Variants in SWT1 observed in about 807,000 individuals in gnomAD.
SWT1 encodes SWT1 RNA endoribonuclease homolog, also known as transcriptional protein SWT1.
In SWT1, 33 loss-of-function variants were observed where a neutral mutation model predicts 107.3. The ratio of observed to expected loss-of-function variants is 0.31; its 90% CI spans 0.23 to 0.41. The LOEUF is 0.41. SWT1 is among the 10% of genes least tolerant of loss of function. The pLI is 1.00. For synonymous variants in SWT1, 345 were observed against 348.3 expected, an observed-to-expected ratio of 0.99 and a Z score of 0.11; for missense variants, 898 against 1,028.9, an observed-to-expected ratio of 0.87 and a Z score of 1.74.
chr1:185,202,837 A>G, intron 11 of SWT1, 38 bp downstream of exon 11: 1 of 1,120,886 alleles, frequency 8.9e-7, no homozygotes, highest in Non-Finnish European at 1.2e-6. Context: ...GATATATCTT[A>G]TTTTATACAC....
In SWT1 at chr1:185,226,732, C is replaced by CTT. The variant is rs35307844; in HGVS notation, c.2309+4711_2309+4712dup. On this transcript the variant is annotated intron_variant, in intron 15 of 18. Coordinates refer to ENST00000367500, the MANE Select transcript of SWT1 (RefSeq NM_017673.7). ...CTATTTCTCATTTAAGCTTCTGAGA[C>CTT]TTTTTTTTTTTTTTTTGCTGTCCAT... 1.5e-3 allele frequency: 574 copies of CTT among 376,864 alleles called. 2 individuals are homozygous for CTT. The highest frequency in any genetic ancestry group is 6.1e-3 in the African/African-American group (267 of 43,818). 23.3% of individuals were successfully genotyped at this position (376,864 alleles called of 1,614,324 possible).
intron 10 of SWT1, among the ~76,000 whole-genome samples, chr1:185,198,455 C>G (rs1410271832): frequency 6.6e-6 from 1 of 152,104 alleles, no homozygotes; most frequent in East Asian, 1.9e-4. Context: ...TCCACCTGGT[C>G]CAGAGCTGAG....
Position 185,268,967 on chromosome 1 carries a change from C to G in SWT1, c.2442-2356C>G, listed in dbSNP as rs1663616258. On this transcript the variant is annotated intron_variant, in intron 16 of 18. Transcript: ENST00000367500. The stretch of plus-strand genomic sequence containing the variant: ...TCCCGGGTTCACGCCATTCTCCTGC[C>G]TCAGCCTCCCGAGTAGCTGGGACTA... 2.0e-5 allele frequency among the ~76,000 whole-genome samples: 3 copies of G among 151,892 alleles called. No homozygotes were observed. The South Asian group carries it at 6.2e-4, about 32-fold the overall frequency.
At chr1:185,185,024 T>G in intron 9 of SWT1, 93 bp downstream of exon 9, 1 of 883,426 alleles carries the variant, frequency 1.1e-6, no homozygotes, top group Non-Finnish European at 1.6e-6. Context: ...TTTTAAAACA[T>G]TTAAACCCAT....
chr1:185,207,055 T>C (rs918778631), intron 13 of SWT1, among the ~76,000 whole-genome samples: 1 of 152,252 alleles, frequency 6.6e-6, no homozygotes, highest in African/African-American at 2.4e-5. Context: ...ATGTCTACTT[T>C]GAAAACTTTT....
intron 16 of SWT1, among the ~76,000 whole-genome samples, chr1:185,249,018 A>G (rs1315487265): frequency 1.3e-5 from 2 of 152,156 alleles, no homozygotes; most frequent in Non-Finnish European, 2.9e-5. Context: ...GACTAGACTC[A>G]TCTTGGAAAT....
chr1:185,213,988 A>G (rs976941656), intron 13 of SWT1, among the ~76,000 whole-genome samples: 1 of 152,202 alleles, frequency 6.6e-6, no homozygotes, highest in Non-Finnish European at 1.5e-5. Flanking sequence ...TGTGTTGTAC[A>G]TATAGAGATA....
intron 4 of SWT1, among the ~76,000 whole-genome samples, chr1:185,172,831 G>A (rs113470400): frequency 0.022 from 3,297 of 152,034 alleles, 65 homozygotes; most frequent in Non-Finnish European, 0.035. Flanking sequence ...GGCAGATCAC[G>A]AGGTCAAATC....
intron 16 of SWT1, among the ~76,000 whole-genome samples, chr1:185,253,142 A>G (rs1238245964): frequency 1.6e-3 from 239 of 144,956 alleles, no homozygotes; most frequent in African/African-American, 5.7e-3. Context: ...ATTGATCTAT[A>G]TCTCTGTTTT....
intron 16 of SWT1, among the ~76,000 whole-genome samples, chr1:185,234,666 G>T (rs567721907): frequency 1.3e-5 from 2 of 152,244 alleles, no homozygotes; most frequent in East Asian, 1.9e-4. Context: ...ATGTTAGCTG[G>T]TTTTCTTTGC....
intron 16 of SWT1, among the ~76,000 whole-genome samples, chr1:185,259,149 C>G (rs1397632297): frequency 6.6e-6 from 1 of 152,002 alleles, no homozygotes; most frequent in Non-Finnish European, 1.5e-5. Context: ...TCTTTTCACC[C>G]TTTTTACCTC....
intron 16 of SWT1, among the ~76,000 whole-genome samples, chr1:185,262,747 C>T (rs1663109602): frequency 6.6e-6 from 1 of 151,572 alleles, no homozygotes; most frequent in Admixed American, 6.6e-5. Flanking sequence ...GTTCTGTGCA[C>T]ATGTATCCTT....
chr1:185,200,205 C>G (rs1657756393), intron 10 of SWT1, among the ~76,000 whole-genome samples: 1 of 152,102 alleles, frequency 6.6e-6, no homozygotes, highest in Admixed American at 6.5e-5. Flanking sequence ...GCTCCTTTAG[C>G]TCAGAGGAGT....
At chr1:185,232,099 TTAA>T (rs1246890164) in intron 16 of SWT1, among the ~76,000 whole-genome samples, 6 of 152,220 alleles carry the variant, frequency 3.9e-5, no homozygotes, top group African/African-American at 1.4e-4. Flanking sequence ...TTTTGCCTTG[TTAA>T]TCTAGAAGGC....
At chr1:185,169,313 A>T (rs1654849912) in intron 4 of SWT1, among the ~76,000 whole-genome samples, 1 of 151,198 alleles carries the variant, frequency 6.6e-6, no homozygotes. Flanking sequence ...TAAGTTCTAA[A>T]ACACTATTTG....
chr1:185,258,663 T>A (rs1007428187), intron 16 of SWT1, among the ~76,000 whole-genome samples: 2 of 152,166 alleles, frequency 1.3e-5, no homozygotes, highest in Non-Finnish European at 2.9e-5. Context: ...CTCTTGGAAA[T>A]GGGAAGTCTG....
intron 17 of SWT1, among the ~76,000 whole-genome samples, chr1:185,276,142 T>C (rs1393784109): frequency 6.6e-6 from 1 of 152,170 alleles, no homozygotes; most frequent in East Asian, 1.9e-4. Context: ...AGTTTTTATA[T>C]GATGAAAGAT....
intron 15 of SWT1, among the ~76,000 whole-genome samples, chr1:185,223,034 A>C (rs562132949): frequency 3.3e-5 from 5 of 152,198 alleles, no homozygotes; most frequent in African/African-American, 1.2e-4. Context: ...TCTCTTTGAC[A>C]TACTCATTTC....
At chr1:185,276,703 T>C in intron 18 of SWT1, 35 bp downstream of exon 18, 1 of 1,232,666 alleles carries the variant, frequency 8.1e-7, no homozygotes, top group East Asian at 2.5e-5. Flanking sequence ...TAAACCATTG[T>C]AACAAGCTTT....
Sources: allele counts gnomAD v4.1 joint callset (sites outside exome capture counted in the v4.1 genomes callset), GRCh38; gene constraint gnomAD v4.1.1; transcripts MANE v1.5; gene names NCBI Gene and HGNC (gene_info 2026-07-23, HGNC 2026-07-21).